Variants in SHC3 observed in about 807,000 individuals in gnomAD.
The protein encoded by SHC3 is SHC-transforming protein 3.
A neutral mutation model predicts 60.4 loss-of-function variants in SHC3; 15 were observed. The ratio of observed to expected loss-of-function variants is 0.25; its 90% CI spans 0.17 to 0.38. SHC3 has a LOEUF of 0.38. Among genes scored for constraint, SHC3 ranks in the 10% least tolerant of loss-of-function variants. The pLI is 1.00. For synonymous variants in SHC3, 294 were observed against 325.9 expected, an observed-to-expected ratio of 0.90 and a Z score of 1.05; for missense variants, 677 against 786.1, an observed-to-expected ratio of 0.86 and a Z score of 1.66.
chr9:89,132,641 C>G (rs111719957), intron 1 of SHC3, among the ~76,000 whole-genome samples: 1 of 152,188 alleles, frequency 6.6e-6, no homozygotes, highest in Non-Finnish European at 1.5e-5. Flanking sequence ...ACAAACCTGA[C>G]AAAAACAAGA....
intron 10 of SHC3, among the ~76,000 whole-genome samples, chr9:89,040,150 CCAT>C (rs1311774789): frequency 5.0e-5 from 2 of 39,912 alleles, no homozygotes; most frequent in Admixed American, 2.5e-4. Flanking sequence ...AGCATCACCA[CCAT>C]CATCATCACC....
In SHC3 at chr9:89,008,563, G is replaced by A. The variant is rs1825975060; in HGVS notation, c.*4884C>T. On this transcript the variant is annotated 3_prime_UTR_variant, in exon 12 of 12. Coordinates refer to ENST00000375835, the MANE Select transcript of SHC3 (RefSeq NM_016848.6). Reference sequence around the variant, plus strand: ...AATCTTTGTCTGAACCAGCTCACAGGGTGGTTCTGATGCCTGCCTTCCACT... The same window carrying A: ...AATCTTTGTCTGAACCAGCTCACAGAGTGGTTCTGATGCCTGCCTTCCACT... The A allele has an allele frequency of 2.6e-5, 4 of 152,258 alleles. No homozygotes were observed. Among genetic ancestry groups the A allele is most frequent in the Admixed American group, 2.6e-4 (4 of 15,284 alleles). The allele number at this position is 152,258 out of a possible 1,614,324, so 9.4% of individuals were successfully genotyped here.
intron 2 of SHC3, chr9:89,109,962 T>TA (rs1387001780): frequency 1.0e-6 from 1 of 985,328 alleles, no homozygotes; most frequent in East Asian, 1.1e-4. Flanking sequence ...TTTATACCTA[T>TA]GCCTCATTGT....
At position 89,011,999 on chromosome 9, in the gene SHC3, A is replaced by T. The variant is rs1286711305; in HGVS notation, c.*1448T>A. 2.0e-5 allele frequency: 3 copies of T among 152,162 alleles called. No individual in the cohort carries two copies. Among genetic ancestry groups the T allele is most frequent in the Non-Finnish European group, 4.4e-5 (3 of 68,058 alleles). The allele number at this position is 152,162 out of a possible 1,614,324, so 9.4% of individuals were successfully genotyped here. The stretch of plus-strand genomic sequence containing the variant: ...TTTCAGTCTCCTCATAACTCTCCTT[A>T]CAGGATCAGATTTATCACTATCCAA... On this transcript the variant is annotated 3_prime_UTR_variant, in exon 12 of 12. Transcript: ENST00000375835.
At chr9:89,174,931 G>A (rs1260846013) in intron 1 of SHC3, among the ~76,000 whole-genome samples, 1 of 152,190 alleles carries the variant, frequency 6.6e-6, no homozygotes, top group African/African-American at 2.4e-5. Flanking sequence ...CCAGGATATT[G>A]CCTTTTGAAC....
At chr9:89,174,512 C>T (rs911369614) in intron 1 of SHC3, among the ~76,000 whole-genome samples, 2 of 152,232 alleles carry the variant, frequency 1.3e-5, no homozygotes, top group African/African-American at 2.4e-5. Context: ...AATCTGCTGG[C>T]TCACTGAATG....
At chr9:89,092,283 T>C (rs1269083007) in intron 2 of SHC3, among the ~76,000 whole-genome samples, 1 of 152,174 alleles carries the variant, frequency 6.6e-6, no homozygotes, top group Non-Finnish European at 1.5e-5. Flanking sequence ...CCAGGAATTG[T>C]TGACTATATT....
chr9:89,176,418 A>C (rs1826942689), intron 1 of SHC3, among the ~76,000 whole-genome samples: 2 of 152,256 alleles, frequency 1.3e-5, no homozygotes, highest in South Asian at 4.1e-4. Flanking sequence ...CATAAGTTTG[A>C]GAATTCTCCC....
chr9:89,075,344 A>G (rs1825340539), intron 3 of SHC3, 116 bp from the exon 4 acceptor site: 3 of 1,367,396 alleles, frequency 2.2e-6, no homozygotes, highest in Middle Eastern at 3.8e-4. Context: ...CTTAGGCATA[A>G]GAAGACAAAA....
chr9:89,049,438 AC>A (rs1824827165), intron 7 of SHC3, among the ~76,000 whole-genome samples: 1 of 152,198 alleles, frequency 6.6e-6, no homozygotes, highest in Non-Finnish European at 1.5e-5. Context: ...CATTATGTAC[AC>A]TGCCAGAGAA....
rs141473528 is a variant in SHC3 at position 89,128,354 on chromosome 9, C to A, written c.475-15728G>T. On this transcript the variant is annotated intron_variant, in intron 1 of 11. Coordinates refer to ENST00000375835, the MANE Select transcript of SHC3 (RefSeq NM_016848.6). ...TGTTCAGAACAAAAGGCAGCAGAAA[C>A]TTCTGCAGACCTAAACGTCCCTGTC... Among the ~76,000 whole-genome samples, 542 of 152,242 alleles carry A rather than the reference C, an allele frequency of 3.6e-3. 3 individuals carry two copies. The highest frequency in any genetic ancestry group is 0.012 in the African/African-American group (510 of 41,562).
At chr9:89,157,587 GT>G (rs1300116255) in intron 1 of SHC3, among the ~76,000 whole-genome samples, 1 of 151,614 alleles carries the variant, frequency 6.6e-6, no homozygotes, top group Non-Finnish European at 1.5e-5. Flanking sequence ...TTGCCAAAAT[GT>G]TTTTTTAATT....
chr9:89,006,312 G>A lies in SHC3; in HGVS notation c.*7135C>T, dbSNP rs1369081469. 6.6e-6 allele frequency: 1 copy of A among 152,176 alleles called. No homozygotes were observed. Among genetic ancestry groups the A allele is most frequent in the Non-Finnish European group, 1.5e-5 (1 of 68,032 alleles). The allele number at this position is 152,176 out of a possible 1,614,324, so 9.4% of individuals were successfully genotyped here. ...CTGTGGATTTATCAAAAGGGAGGAG[G>A]GAATTTAAGCTAATTCTCTTCACCT... is the stretch of plus-strand genomic sequence containing the variant. On this transcript the variant is annotated 3_prime_UTR_variant, in exon 12 of 12. Coordinates refer to ENST00000375835, the MANE Select transcript of SHC3 (RefSeq NM_016848.6).
At chr9:89,037,391 G>T (rs1824599602) in intron 11 of SHC3, 2 of 631,018 alleles carry the variant, frequency 3.2e-6, no homozygotes, top group South Asian at 1.9e-5. Flanking sequence ...ATTAAACTTA[G>T]CAATTCTTGG....
chr9:89,048,241 T>TA (rs34217569), intron 7 of SHC3, among the ~76,000 whole-genome samples: 1,682 of 133,946 alleles, frequency 0.013, 97 homozygotes, highest in Admixed American at 0.092. Flanking sequence ...AAGACTCCAT[T>TA]AAAAAAAAAA....
At chr9:89,102,668 T>C (rs1184312346) in intron 2 of SHC3, among the ~76,000 whole-genome samples, 1 of 152,348 alleles carries the variant, frequency 6.6e-6, no homozygotes, top group African/African-American at 2.4e-5. Context: ...CTTAATGTCA[T>C]GTATAGGTTC....
chr9:89,102,769 CA>C (rs1485507650), intron 2 of SHC3, among the ~76,000 whole-genome samples: 1 of 152,130 alleles, frequency 6.6e-6, no homozygotes, highest in Non-Finnish European at 1.5e-5. Flanking sequence ...TGTTATATGC[CA>C]TTTCACTTAA....
intron 1 of SHC3, among the ~76,000 whole-genome samples, chr9:89,122,569 A>G (rs186600755): frequency 2.0e-5 from 3 of 152,332 alleles, no homozygotes; most frequent in Non-Finnish European, 1.5e-5. Flanking sequence ...GGGATTTTAG[A>G]CCAAATGCAG....
intron 1 of SHC3, among the ~76,000 whole-genome samples, chr9:89,135,483 T>A (rs563497723): frequency 2.0e-5 from 3 of 152,140 alleles, no homozygotes; most frequent in Admixed American, 2.0e-4. Context: ...AAAGCATATT[T>A]AAAAAAAATT....
Sources: allele counts gnomAD v4.1 joint callset (sites outside exome capture counted in the v4.1 genomes callset), GRCh38; gene constraint gnomAD v4.1.1; transcripts MANE v1.5; gene names NCBI Gene and HGNC (gene_info 2026-07-23, HGNC 2026-07-21).